The following MROH2B variants were observed in gnomAD, a reference collection of about 807,000 sequenced individuals.
The protein encoded by MROH2B is maestro heat like repeat family member 2B.
In MROH2B, 177 loss-of-function variants were observed where a neutral mutation model predicts 208.6. The observed-to-expected ratio is 0.85, with a 90% CI of 0.75 to 0.96. The LOEUF (loss-of-function observed/expected upper bound fraction) is 0.96. Among genes scored for constraint, MROH2B ranks in the 40% least tolerant of loss-of-function variants. The probability of loss-of-function intolerance (pLI) is 0.00; values close to 1 mark genes in which losing one functional copy is unlikely to be tolerated. For missense variants in MROH2B, 2,002 were observed against 1,878.7 expected, an observed-to-expected ratio of 1.07 and a Z score of -1.21; for synonymous variants, 728 against 659.0, an observed-to-expected ratio of 1.10 and a Z score of -1.60.
At chr5:41,000,373 A>T (rs1741351733) in intron 38 of MROH2B, 22 bp from the exon 39 acceptor site, 1 of 1,612,402 alleles carries the variant, frequency 6.2e-7, no homozygotes. Context: ...AGTTTTCTGC[A>T]TCACAGTCCA....
At chr5:41,065,244 T>A (rs1743765020) in intron 4 of MROH2B, 87 bp downstream of exon 4, 3 of 1,293,474 alleles carry the variant, frequency 2.3e-6, no homozygotes, top group Admixed American at 5.0e-5. Flanking sequence ...AGAGATGCTA[T>A]CTCTTCTACC....
In MROH2B at chr5:41,012,588, C is replaced by G. The variant is rs1371971641; in HGVS notation, c.3130G>C (p.Asp1044His). Residue 1044 changes from aspartate to histidine, a missense_variant, in exon 30 of 42, where the codon GAT (aspartate) becomes CAT (histidine). Physicochemically the swap from Asp to His is moderately conservative, Grantham distance 81. Coordinates refer to ENST00000399564, the MANE Select transcript of MROH2B (RefSeq NM_173489.5). ...VLKQQGAALE[D>H]QLLEILGTIY... ...AAAACTGGCTATCAGTTCACCTGAT[C>G]TTCCAGAGCAGCTCCCTGCTGCTTC... 6.2e-7 allele frequency: 1 copy of G among 1,607,194 alleles called. No homozygotes were observed.
intron 24 of MROH2B, among the ~76,000 whole-genome samples, chr5:41,021,877 A>G (rs753949383): frequency 2.6e-5 from 4 of 152,202 alleles, no homozygotes; most frequent in Admixed American, 2.0e-4. Context: ...CCCCGTCTCA[A>G]AAAACAAAAG....
intron 18 of MROH2B, among the ~76,000 whole-genome samples, chr5:41,045,108 T>C (rs1226888449): frequency 6.6e-6 from 1 of 152,144 alleles, no homozygotes; most frequent in Non-Finnish European, 1.5e-5. Context: ...GAAGCTTAGG[T>C]AGGGGCCATT....
In MROH2B at chr5:40,999,729, G is replaced by A; in HGVS notation, c.4533C>T (p.Thr1511=). 1 of 1,613,760 alleles carries A rather than the reference G, an allele frequency of 6.2e-7. No homozygotes were observed. The highest frequency in any genetic ancestry group is 8.5e-7 in the Non-Finnish European group (1 of 1,179,710). Residue 1511 remains threonine (T), a synonymous_variant, in exon 40 of 42, where the codon ACC becomes ACT. Transcript: ENST00000399564. The stretch of plus-strand genomic sequence containing the variant: ...TCACCTCCCAGGTGCTGGTGAAGAA[G>A]GTGAAGGAGTGTGTGTGGAGGATCC... ...ILWILHTHSF[T]FFTSTWEVIR...
intron 24 of MROH2B, among the ~76,000 whole-genome samples, chr5:41,028,919 A>C (rs936549382): frequency 6.6e-6 from 1 of 152,160 alleles, no homozygotes; most frequent in African/African-American, 2.4e-5. Context: ...CCCAATAGGT[A>C]ATTTTTCATC....
At chr5:41,037,556 C>T (rs1293975473) in intron 21 of MROH2B, among the ~76,000 whole-genome samples, 4 of 152,120 alleles carry the variant, frequency 2.6e-5, no homozygotes, top group African/African-American at 9.7e-5. Flanking sequence ...GTACTGATGA[C>T]TACAATTTCA....
At chr5:41,068,196 T>C (rs1361398605) in intron 2 of MROH2B, among the ~76,000 whole-genome samples, 3 of 152,196 alleles carry the variant, frequency 2.0e-5, no homozygotes, top group Non-Finnish European at 4.4e-5. Flanking sequence ...TTAAATAGCA[T>C]CCTTTGCATT....
At chr5:41,058,357 G>A (rs1241808188) in intron 6 of MROH2B, 154 bp from the exon 7 acceptor site, 4 of 764,078 alleles carry the variant, frequency 5.2e-6, no homozygotes, top group African/African-American at 1.8e-5. Context: ...TTTAAAAAAT[G>A]TTCAGGTTAA....
intron 21 of MROH2B, among the ~76,000 whole-genome samples, chr5:41,037,561 A>G (rs1742804787): frequency 6.6e-6 from 1 of 152,146 alleles, no homozygotes; most frequent in African/African-American, 2.4e-5. Flanking sequence ...GATGACTACA[A>G]TTTCATGAGT....
intron 9 of MROH2B, among the ~76,000 whole-genome samples, chr5:41,056,621 T>C (rs894635385): frequency 2.0e-5 from 3 of 151,536 alleles, no homozygotes; most frequent in Non-Finnish European, 4.4e-5. Flanking sequence ...AATCAGGTGA[T>C]ATAATGTAAG....
chr5:41,019,858 A>G (rs1742086226), intron 24 of MROH2B, among the ~76,000 whole-genome samples: 1 of 152,240 alleles, frequency 6.6e-6, no homozygotes, highest in African/African-American at 2.4e-5. Flanking sequence ...ATTTATGTAT[A>G]GTAAGCTGCA....
rs528052327 is a variant in MROH2B at position 41,029,609 on chromosome 5, T to C, written c.2441+3133A>G. ...TAAGTTGGACCCTTATGTTACACCA[T>C]ATGCTAAAATCAACTCACAATGGAT... On this transcript the variant is annotated intron_variant, in intron 24 of 41. Transcript: ENST00000399564. Among the ~76,000 whole-genome samples, 3 of 152,270 alleles carry C rather than the reference T, an allele frequency of 2.0e-5. No individual in the cohort carries two copies. The South Asian group carries it at 6.2e-4, about 31-fold the overall frequency.
At chr5:41,045,389 T>A (rs1047140438) in intron 18 of MROH2B, among the ~76,000 whole-genome samples, 3 of 152,200 alleles carry the variant, frequency 2.0e-5, no homozygotes, top group African/African-American at 7.2e-5. Flanking sequence ...CTCACAAGAC[T>A]GGCATAATGG....
At chr5:41,057,510 A>G (rs1388411975) in intron 7 of MROH2B, 150 bp from the exon 8 acceptor site, 8 of 537,970 alleles carry the variant, frequency 1.5e-5, no homozygotes, top group Admixed American at 3.4e-5. Context: ...GGCCCCTTCC[A>G]CCCTGTTCAG....
At position 41,009,936 on chromosome 5, in the gene MROH2B, AG is replaced by A. The variant is rs1291639714; in HGVS notation, c.3278del (p.Pro1093LeufsTer29). On this transcript the variant is annotated frameshift_variant, in exon 31 of 42. Coordinates refer to ENST00000399564, the MANE Select transcript of MROH2B (RefSeq NM_173489.5). LOFTEE classifies it high-confidence loss of function. ...TAAGGATCTACCTGTCAAAAGGCAG[AG>A]GCTTCTGTAAAAGGTTGACAACAAC... ...DTVVVNLLQK[P>X]LPFDRDTKTL... 4.3e-6 allele frequency: 7 copies of A among 1,613,620 alleles called. No individual in the cohort carries two copies. Among genetic ancestry groups the A allele is most frequent in the Middle Eastern group, 1.7e-4 (1 of 6,058 alleles).
chr5:41,003,980 T>G (rs1741486371), intron 37 of MROH2B, among the ~76,000 whole-genome samples: 1 of 152,212 alleles, frequency 6.6e-6, no homozygotes, highest in Non-Finnish European at 1.5e-5. Flanking sequence ...GTAAATAGTT[T>G]AAACTCTGTG....
At chr5:41,011,854 G>A (rs1741783817) in intron 30 of MROH2B, among the ~76,000 whole-genome samples, 1 of 152,054 alleles carries the variant, frequency 6.6e-6, no homozygotes, top group African/African-American at 2.4e-5. Flanking sequence ...TTTCAGTAGA[G>A]ATGAGGTTTC....
chr5:41,069,190 C>G (rs960792391), intron 2 of MROH2B, among the ~76,000 whole-genome samples: 4 of 152,158 alleles, frequency 2.6e-5, no homozygotes, highest in South Asian at 2.1e-4. Context: ...ATACAATACA[C>G]TGTTGTTTGG....
Sources: gnomAD v4.1 joint callset for allele counts (sites outside exome capture counted in the v4.1 genomes callset) on GRCh38, gnomAD v4.1.1 for gene constraint, MANE v1.5 for transcripts, NCBI Gene and HGNC (gene_info 2026-07-23, HGNC 2026-07-21) for gene names.